Variants in HS6ST3 observed in about 807,000 individuals in gnomAD.
HS6ST3 encodes heparan-sulfate 6-O-sulfotransferase 3.
In HS6ST3, 12 loss-of-function variants were observed where a neutral mutation model predicts 36.7. The observed-to-expected ratio is 0.33, with a 90% CI of 0.21 to 0.53. The LOEUF (loss-of-function observed/expected upper bound fraction) is 0.53, where lower values mean the gene tolerates loss of function less well. HS6ST3 is among the 20% of genes least tolerant of loss of function. The pLI is 0.95. For synonymous variants in HS6ST3, 240 were observed against 257.5 expected, an observed-to-expected ratio of 0.93 and a Z score of 0.65; for missense variants, 584 against 640.9, an observed-to-expected ratio of 0.91 and a Z score of 0.96.
rs772545385 is a variant in HS6ST3, at chr13:96,832,681, A to G, written c.899A>G (p.Asp300Gly). 3 of 1,614,008 alleles carry G rather than the reference A, an allele frequency of 1.9e-6. No individual in the cohort carries two copies. Among genetic ancestry groups the G allele is most frequent in the South Asian group, 2.2e-5 (2 of 91,074 alleles). Residue 300 changes from aspartate (D) to glycine (G), a missense_variant, in exon 2 of 2, where the codon GAT becomes GGT. Asp to Gly is a moderately conservative substitution (Grantham distance 94, BLOSUM62 -1). Coordinates refer to ENST00000376705, the MANE Select transcript of HS6ST3 (RefSeq NM_153456.4). ...GGGGTCAGCTTGCGGGAGTTTATGG[A>G]TTGCACCTACAACCTGGCTAACAAT... ...WSGVSLREFM[D>G]CTYNLANNRQ...
chr13:96,411,137 C>G (rs1476171699), intron 1 of HS6ST3, among the ~76,000 whole-genome samples: 5 of 152,114 alleles, frequency 3.3e-5, no homozygotes, highest in Admixed American at 1.3e-4. Flanking sequence ...AGATTTAGAT[C>G]AATTTTAGGA....
At chr13:96,363,963 A>T (rs2055251493) in intron 1 of HS6ST3, among the ~76,000 whole-genome samples, 1 of 152,186 alleles carries the variant, frequency 6.6e-6, no homozygotes, top group South Asian at 2.1e-4. Flanking sequence ...GAAAAGAAAA[A>T]TACACCTTTA....
intron 1 of HS6ST3, among the ~76,000 whole-genome samples, chr13:96,121,717 C>G (rs1212264948): frequency 1.3e-5 from 2 of 152,276 alleles, no homozygotes; most frequent in South Asian, 2.1e-4. Flanking sequence ...TTTGGAGGAG[C>G]AGCTGGTCCT....
intron 1 of HS6ST3, among the ~76,000 whole-genome samples, chr13:96,786,697 A>G (rs966413994): frequency 6.6e-6 from 1 of 152,200 alleles, no homozygotes; most frequent in Non-Finnish European, 1.5e-5. Context: ...GGATAATTAT[A>G]CATATGATTG....
chr13:96,587,873 C>G (rs1461166402), intron 1 of HS6ST3, among the ~76,000 whole-genome samples: 1 of 152,180 alleles, frequency 6.6e-6, no homozygotes, highest in Non-Finnish European at 1.5e-5. Context: ...ATTAATTTTT[C>G]TAAGCTATGA....
intron 1 of HS6ST3, among the ~76,000 whole-genome samples, chr13:96,166,963 A>G (rs2054163861): frequency 6.6e-6 from 1 of 152,252 alleles, no homozygotes; most frequent in Admixed American, 6.5e-5. Context: ...TGCTGCTGCC[A>G]TGTGAAAAGG....
chr13:96,348,488 A>G (rs1377846985), intron 1 of HS6ST3, among the ~76,000 whole-genome samples: 2 of 152,258 alleles, frequency 1.3e-5, no homozygotes, highest in African/African-American at 2.4e-5. Flanking sequence ...GCTTTGCGAC[A>G]TAAATGGCAA....
intron 1 of HS6ST3, among the ~76,000 whole-genome samples, chr13:96,245,930 G>A (rs2054582964): frequency 1.3e-5 from 2 of 152,166 alleles, no homozygotes; most frequent in South Asian, 2.1e-4. Context: ...TATAGAGGGG[G>A]AAACTACATG....
At chr13:96,523,137 A>G (rs2056100226) in intron 1 of HS6ST3, among the ~76,000 whole-genome samples, 1 of 152,184 alleles carries the variant, frequency 6.6e-6, no homozygotes, top group African/African-American at 2.4e-5. Context: ...GTTTGGCTGG[A>G]TATGAAATTC....
At chr13:96,228,068 T>A (rs2054489733) in intron 1 of HS6ST3, among the ~76,000 whole-genome samples, 1 of 152,330 alleles carries the variant, frequency 6.6e-6, no homozygotes, top group African/African-American at 2.4e-5. Context: ...CTCAGCCTTC[T>A]AATAAAGGAT....
intron 1 of HS6ST3, among the ~76,000 whole-genome samples, chr13:96,339,697 C>T (rs923035028): frequency 2.0e-5 from 3 of 152,200 alleles, no homozygotes; most frequent in Non-Finnish European, 4.4e-5. Context: ...CCCAGCTCTT[C>T]AGACAATCCC....
At chr13:96,640,686 C>T (rs981516590) in intron 1 of HS6ST3, among the ~76,000 whole-genome samples, 1 of 151,784 alleles carries the variant, frequency 6.6e-6, no homozygotes, top group African/African-American at 2.4e-5. Flanking sequence ...TCTTATAGTT[C>T]GAGGTCTTAC....
At chr13:96,744,737 G>T (rs180698009) in intron 1 of HS6ST3, among the ~76,000 whole-genome samples, 201 of 152,162 alleles carry the variant, frequency 1.3e-3, no homozygotes, top group African/African-American at 4.7e-3. Flanking sequence ...TTCTGCGGTG[G>T]CAGGGTAGCC....
chr13:96,652,343 C>T (rs2056610353), intron 1 of HS6ST3, among the ~76,000 whole-genome samples: 1 of 151,590 alleles, frequency 6.6e-6, no homozygotes, highest in South Asian at 2.1e-4. Context: ...CGTCCCTTTC[C>T]TCTCCCCATT....
At chr13:96,538,530 G>A (rs1344461023) in intron 1 of HS6ST3, among the ~76,000 whole-genome samples, 4 of 152,166 alleles carry the variant, frequency 2.6e-5, no homozygotes, top group South Asian at 2.1e-4. Context: ...TGCAACCTCC[G>A]CCTCCTGGGT....
chr13:96,537,294 A>C (rs1261087885), intron 1 of HS6ST3, among the ~76,000 whole-genome samples: 1 of 152,098 alleles, frequency 6.6e-6, no homozygotes, highest in African/African-American at 2.4e-5. Flanking sequence ...GGGGGAAACC[A>C]CCCCTATGAT....
At chr13:96,759,673 A>T (rs1359121607) in intron 1 of HS6ST3, among the ~76,000 whole-genome samples, 3 of 151,922 alleles carry the variant, frequency 2.0e-5, no homozygotes, top group South Asian at 2.1e-4. Flanking sequence ...ATAATTTTTA[A>T]CTGTAAGTGG....
At chr13:96,477,386 C>T (rs1276431457) in intron 1 of HS6ST3, among the ~76,000 whole-genome samples, 3 of 151,468 alleles carry the variant, frequency 2.0e-5, no homozygotes, top group Non-Finnish European at 4.4e-5. Flanking sequence ...CAATAGGTGA[C>T]AATGGCTATG....
chr13:96,364,111 T>G (rs2139437252), intron 1 of HS6ST3, among the ~76,000 whole-genome samples: 2 of 152,256 alleles, frequency 1.3e-5, no homozygotes, highest in Admixed American at 1.3e-4. Context: ...TACCTGTTAC[T>G]TAAAAAAAGA....
Sources: gnomAD v4.1 joint callset for allele counts (sites outside exome capture counted in the v4.1 genomes callset) on GRCh38, gnomAD v4.1.1 for gene constraint, MANE v1.5 for transcripts, NCBI Gene and HGNC (gene_info 2026-07-23, HGNC 2026-07-21) for gene names.